GLIS3: variants seen among roughly 807,000 people sequenced by gnomAD.
GLIS3 encodes the protein zinc finger protein GLIS3.
A neutral mutation model predicts 78.6 loss-of-function variants in GLIS3; 53 were observed. The ratio of observed to expected loss-of-function variants is 0.67; its 90% CI spans 0.54 to 0.85. The LOEUF (loss-of-function observed/expected upper bound fraction) is 0.85, where lower values mean the gene tolerates loss of function less well. Ranked by LOEUF, GLIS3 falls within the 40% of genes least tolerant of loss-of-function variation. The pLI, the probability that GLIS3 is intolerant of heterozygous loss-of-function variation, is 0.00. For missense variants in GLIS3, 1,703 were observed against 1,231.1 expected (o/e 1.38, Z -5.74); for synonymous variants, 684 against 509.9 (o/e 1.34, Z -4.60).
chr9:4,351,795 A>G (rs565702242), upstream of GLIS3, among the ~76,000 whole-genome samples: 1 of 152,274 alleles, frequency 6.6e-6, no homozygotes, highest in East Asian at 1.9e-4. Context: ...AAAGAATCCA[A>G]TTTTATCTTT....
chr9:4,015,827 T>G (rs1239777876), intron 4 of GLIS3, among the ~76,000 whole-genome samples: 1 of 141,476 alleles, frequency 7.1e-6, no homozygotes, highest in East Asian at 2.1e-4. Flanking sequence ...AGGCGGAGGT[T>G]GCAGTGAGCT....
chr9:4,318,003 G>C (rs1481287939), intron 2 of GLIS3, among the ~76,000 whole-genome samples: 1 of 152,230 alleles, frequency 6.6e-6, no homozygotes, highest in South Asian at 2.1e-4. Context: ...GACTTAGAAA[G>C]AACATGTGTA....
At chr9:4,307,209 G>A (rs1303405582) in intron 4 of GLIS3, among the ~76,000 whole-genome samples, 1 of 151,974 alleles carries the variant, frequency 6.6e-6, no homozygotes, top group Non-Finnish European at 1.5e-5. Context: ...GCCTCCCTTG[G>A]CTCCAGGGCA....
At chr9:4,233,717 G>A (rs998227985) in intron 2 of GLIS3, among the ~76,000 whole-genome samples, 1 of 152,178 alleles carries the variant, frequency 6.6e-6, no homozygotes, top group South Asian at 2.1e-4. Context: ...GAGCCAGCCT[G>A]TCCTTTGAAG....
intron 9 of GLIS3, among the ~76,000 whole-genome samples, chr9:3,855,048 A>G (rs1325847774): frequency 6.6e-6 from 1 of 152,190 alleles, no homozygotes; most frequent in Non-Finnish European, 1.5e-5. Flanking sequence ...CAGAAGTTGA[A>G]ACATTCAGCC....
chr9:4,391,168 G>A, the GLIS3 span, among the ~76,000 whole-genome samples: 1 of 152,124 alleles, frequency 6.6e-6, no homozygotes, highest in African/African-American at 2.4e-5. Context: ...TTTACCTGGA[G>A]GTCAGTGAGG....
intron 2 of GLIS3, among the ~76,000 whole-genome samples, chr9:4,324,890 C>G (rs1244358833): frequency 6.6e-6 from 1 of 152,084 alleles, no homozygotes; most frequent in Non-Finnish European, 1.5e-5. Flanking sequence ...AAAGTTATAC[C>G]CCTACAACCT....
At chr9:4,040,711 A>G (rs1227790870) in intron 4 of GLIS3, among the ~76,000 whole-genome samples, 1 of 152,216 alleles carries the variant, frequency 6.6e-6, no homozygotes, top group Non-Finnish European at 1.5e-5. Context: ...AAAGATGGAG[A>G]AAAGGAGAAA....
intron 8 of GLIS3, among the ~76,000 whole-genome samples, chr9:3,877,139 G>C (rs1364670384): frequency 6.6e-6 from 1 of 152,162 alleles, no homozygotes; most frequent in Non-Finnish European, 1.5e-5. Context: ...TGAGCTTCAC[G>C]ACATTGTGGA....
chr9:4,472,372 G>C, the GLIS3 span, among the ~76,000 whole-genome samples: 232 of 152,270 alleles, frequency 1.5e-3, no homozygotes, highest in African/African-American at 5.1e-3. Flanking sequence ...GTCCATCAAT[G>C]ATAGACTGAA....
chr9:4,178,137 A>T (rs1461028492), intron 2 of GLIS3, among the ~76,000 whole-genome samples: 2 of 152,168 alleles, frequency 1.3e-5, no homozygotes, highest in African/African-American at 4.8e-5. Flanking sequence ...TCCTATCTCC[A>T]AGTGAACTAG....
chr9:3,857,061 C>A (rs950419170), intron 8 of GLIS3, among the ~76,000 whole-genome samples: 1 of 152,194 alleles, frequency 6.6e-6, no homozygotes, highest in Non-Finnish European at 1.5e-5. Context: ...AACAATGTTA[C>A]AGTTTGGCAA....
chr9:4,287,731 C>G (rs1448234449), intron 1 of GLIS3, among the ~76,000 whole-genome samples: 1 of 152,130 alleles, frequency 6.6e-6, no homozygotes, highest in Non-Finnish European at 1.5e-5. Flanking sequence ...ATAAAGGACT[C>G]CATAAATAAT....
chr9:4,181,839 C>G (rs942087438), intron 2 of GLIS3, among the ~76,000 whole-genome samples: 1 of 152,152 alleles, frequency 6.6e-6, no homozygotes, highest in South Asian at 2.1e-4. Context: ...GAGACAGACC[C>G]CGTTCCAATT....
At chr9:4,036,237 T>C (rs1203175416) in intron 4 of GLIS3, among the ~76,000 whole-genome samples, 1 of 152,236 alleles carries the variant, frequency 6.6e-6, no homozygotes, top group Non-Finnish European at 1.5e-5. Flanking sequence ...TTGTTTGTTT[T>C]ATTTTTTCTG....
chr9:4,099,916 T>C (rs1432677951), intron 4 of GLIS3, among the ~76,000 whole-genome samples: 2 of 152,220 alleles, frequency 1.3e-5, no homozygotes, highest in East Asian at 1.9e-4. Flanking sequence ...AAAGACTTCG[T>C]CATCTGTTTA....
chr9:4,247,544 C>G (rs762603591), intron 2 of GLIS3, among the ~76,000 whole-genome samples: 1 of 152,146 alleles, frequency 6.6e-6, no homozygotes, highest in Non-Finnish European at 1.5e-5. Context: ...CACAGATTCC[C>G]TAGGAATGTT....
chr9:4,214,315 T>C (rs190637619), intron 2 of GLIS3, among the ~76,000 whole-genome samples: 1 of 152,342 alleles, frequency 6.6e-6, no homozygotes, highest in African/African-American at 2.4e-5. Context: ...TGTCAAACGG[T>C]TGGCCCCAGC....
At chr9:3,844,561 TTCTA>T (rs1818923584) in intron 9 of GLIS3, among the ~76,000 whole-genome samples, 1 of 152,212 alleles carries the variant, frequency 6.6e-6, no homozygotes, top group African/African-American at 2.4e-5. Context: ...ATTAAACACT[TTCTA>T]TAGGCATTTT....
Sources: gnomAD v4.1 joint callset for allele counts (sites outside exome capture counted in the v4.1 genomes callset) on GRCh38, gnomAD v4.1.1 for gene constraint, MANE v1.5 for transcripts, NCBI Gene and HGNC (gene_info 2026-07-23, HGNC 2026-07-21) for gene names.